IGF1: variants seen among roughly 807,000 people sequenced by gnomAD.
IGF1 encodes insulin like growth factor 1, also known as insulin-like growth factor 1.
Under a neutral mutation model 13.8 loss-of-function variants are expected in IGF1, and 4 were observed. The ratio of observed to expected loss-of-function variants is 0.29; its 90% CI spans 0.14 to 0.66. The LOEUF (loss-of-function observed/expected upper bound fraction) is 0.66. IGF1 is among the 30% of genes least tolerant of loss of function. IGF1 has a pLI of 0.78. For synonymous variants in IGF1, 76 were observed against 72.6 expected (o/e 1.05, Z -0.23); for missense variants, 124 against 188.5 (o/e 0.66, Z 2.00).
intron 3 of IGF1, chr12:102,415,556 T>TTCCTTCCTTCCTTCCG (rs1875043414): frequency 7.6e-6 from 1 of 131,946 alleles, no homozygotes; most frequent in African/African-American, 2.9e-5. Context: ...CCTTCCTTCC[T>TTCCTTCCTTCCTTCCG]TCCTTCCTTC....
chr12:102,463,197 G>C (rs187926230), intron 2 of IGF1: 5 of 152,260 alleles, frequency 3.3e-5, no homozygotes, highest in Non-Finnish European at 7.4e-5. Context: ...AAAGAAATTA[G>C]ATCCATTTTC....
chr12:102,430,425 C>T (rs1227184150), intron 2 of IGF1, among the ~76,000 whole-genome samples: 1 of 152,076 alleles, frequency 6.6e-6, no homozygotes, highest in Non-Finnish European at 1.5e-5. Context: ...ATTTAGTAAC[C>T]TTTAGGCTGA....
At chr12:102,472,198 T>A (rs781436043) in intron 2 of IGF1, among the ~76,000 whole-genome samples, 1 of 152,186 alleles carries the variant, frequency 6.6e-6, no homozygotes, top group Non-Finnish European at 1.5e-5. Flanking sequence ...CATTGGGTCT[T>A]TCATTTCATA....
intron 3 of IGF1, among the ~76,000 whole-genome samples, chr12:102,411,817 G>C (rs1156651150): frequency 6.6e-6 from 1 of 152,150 alleles, no homozygotes; most frequent in Non-Finnish European, 1.5e-5. Flanking sequence ...CAATGGGCAT[G>C]AAAGCATATG....
rs991097482 is a variant in IGF1, at chr12:102,480,508, C to A, written c.-127G>T. On this transcript the variant is annotated 5_prime_UTR_variant, in exon 1 of 4. Transcript: ENST00000337514. The stretch of plus-strand genomic sequence containing the variant: ...CAATTTTGAGGACTTTATTCCATTG[C>A]GCAGGCTCTATCTGCTCTGAATTTA... 2.6e-6 allele frequency: 4 copies of A among 1,542,880 alleles called. No individual in the cohort carries two copies. Among genetic ancestry groups the A allele is most frequent in the African/African-American group, 1.4e-5 (1 of 73,454 alleles).
chr12:102,407,637 T>C (rs1458219869), intron 3 of IGF1, among the ~76,000 whole-genome samples: 1 of 152,218 alleles, frequency 6.6e-6, no homozygotes, highest in East Asian at 1.9e-4. Flanking sequence ...AAATATCTAG[T>C]GCTTTCAAGT....
intron 1 of IGF1, among the ~76,000 whole-genome samples, 198 bp from the exon 2 acceptor site, chr12:102,475,997 T>G (rs17886265): frequency 7.4e-4 from 113 of 152,182 alleles, no homozygotes; most frequent in African/African-American, 2.4e-3. Context: ...CAACCTGTGT[T>G]TATTCCCCTG....
intron 2 of IGF1, among the ~76,000 whole-genome samples, chr12:102,430,374 C>A (rs1463376008): frequency 6.6e-6 from 1 of 152,154 alleles, no homozygotes; most frequent in Non-Finnish European, 1.5e-5. Flanking sequence ...TCTTTGTAAT[C>A]TCCACTATGT....
At position 102,475,204 on chromosome 12, in the gene IGF1, A is replaced by G. The variant is rs185030026; in HGVS notation, c.220+439T>C. On this transcript the variant is annotated intron_variant, in intron 2 of 3. Coordinates refer to ENST00000337514, the MANE Select transcript of IGF1 (RefSeq NM_000618.5). ...TATGCCCTTTAATATTTTTTTTCCC[A>G]GATCCACATGACTGGAGAGTCCTTA... Among the ~76,000 whole-genome samples the G allele has an allele frequency of 1.3e-4, 20 of 152,162 alleles. No individual in the cohort carries two copies. The East Asian group carries it at 3.7e-3, about 28-fold the overall frequency.
Position 102,398,478 on chromosome 12 carries a change from G to C in IGF1, c.*4029C>G, listed in dbSNP as rs976965479. 1 of 152,064 alleles carries C rather than the reference G, an allele frequency of 6.6e-6. No homozygotes were observed. Among genetic ancestry groups the C allele is most frequent in the Non-Finnish European group, 1.5e-5 (1 of 67,996 alleles). The allele number at this position is 152,064 out of a possible 1,614,324, so 9.4% of individuals were successfully genotyped here. A position where few individuals can be genotyped will look rare whatever the true frequency, so the allele number is the denominator to read the frequency against. ...ACTTATCTTTTAAATTCTTCTATTT[G>C]CCTATAAGATCTTTTTTCCCGCGTT... On this transcript the variant is annotated 3_prime_UTR_variant, in exon 4 of 4. Transcript: ENST00000337514.
At chr12:102,456,298 A>C (rs1458651060) in intron 2 of IGF1, among the ~76,000 whole-genome samples, 34 of 151,398 alleles carry the variant, frequency 2.2e-4, no homozygotes, top group Non-Finnish European at 1.6e-4. Context: ...TGAGGAGCTA[A>C]GAAGTATGAA....
chr12:102,412,290 T>C (rs1369236627), intron 3 of IGF1, among the ~76,000 whole-genome samples: 1 of 152,172 alleles, frequency 6.6e-6, no homozygotes, highest in Non-Finnish European at 1.5e-5. Context: ...GGAATTTACC[T>C]TCACTGAAAG....
chr12:102,427,807 G>T (rs1876342165), intron 2 of IGF1, among the ~76,000 whole-genome samples: 1 of 152,144 alleles, frequency 6.6e-6, no homozygotes, highest in Admixed American at 6.5e-5. Context: ...CAGAGTCAGC[G>T]ACAGATTGAA....
intron 3 of IGF1, among the ~76,000 whole-genome samples, chr12:102,403,394 C>A (rs1873846203): frequency 1.3e-5 from 2 of 151,820 alleles, no homozygotes; most frequent in African/African-American, 4.8e-5. Flanking sequence ...ACTAAAAGTC[C>A]TGGGTTCCTA....
chr12:102,452,974 A>C (rs1050294314), intron 2 of IGF1, among the ~76,000 whole-genome samples: 2 of 152,228 alleles, frequency 1.3e-5, no homozygotes, highest in Admixed American at 6.5e-5. Flanking sequence ...TATGAGAAAA[A>C]AAAAGGCTTT....
chr12:102,451,642 A>G (rs1023782826), intron 2 of IGF1, among the ~76,000 whole-genome samples: 1 of 152,214 alleles, frequency 6.6e-6, no homozygotes, highest in Non-Finnish European at 1.5e-5. Context: ...CACCGCTCAG[A>G]TGATTCCAGT....
chr12:102,439,887 C>T (rs1032038669), intron 2 of IGF1, among the ~76,000 whole-genome samples: 6 of 152,132 alleles, frequency 3.9e-5, no homozygotes, highest in African/African-American at 1.2e-4. Flanking sequence ...TAAACAGACT[C>T]GGGCCACATT....
chr12:102,426,266 A>G (rs1045355035), intron 2 of IGF1, among the ~76,000 whole-genome samples: 4 of 152,220 alleles, frequency 2.6e-5, no homozygotes, highest in Non-Finnish European at 5.9e-5. Flanking sequence ...TCAGGTCCTC[A>G]TATGTAAAAA....
chr12:102,480,562 A>T lies in IGF1; in HGVS notation c.-181T>A. On this transcript the variant is annotated 5_prime_UTR_variant, in exon 1 of 4. Transcript: ENST00000337514. Reference sequence around the variant, plus strand: ...GTGACAGTGAGATTTAGCAAACAGAAGAGGGATTTAGAGAAAATCCTCACA... The same window carrying T: ...GTGACAGTGAGATTTAGCAAACAGATGAGGGATTTAGAGAAAATCCTCACA... 2.1e-6 allele frequency: 3 copies of T among 1,445,460 alleles called. No homozygotes were observed. Among genetic ancestry groups the T allele is most frequent in the Non-Finnish European group, 2.7e-6 (3 of 1,101,246 alleles). 89.5% of individuals were successfully genotyped at this position (1,445,460 alleles called of 1,614,324 possible).
Sources: allele counts gnomAD v4.1 joint callset (sites outside exome capture counted in the v4.1 genomes callset), GRCh38; gene constraint gnomAD v4.1.1; transcripts MANE v1.5; gene names NCBI Gene and HGNC (gene_info 2026-07-23, HGNC 2026-07-21).